RAB3C: variants seen among roughly 807,000 people sequenced by gnomAD.
RAB3C encodes the protein ras-related protein Rab-3C.
Under a neutral mutation model 26.4 loss-of-function variants are expected in RAB3C, and 17 were observed. The observed-to-expected ratio is 0.64, with a 90% CI of 0.44 to 0.97. The LOEUF is 0.97. Among genes scored for constraint, RAB3C ranks in the 50% least tolerant of loss-of-function variants. The pLI, the probability that RAB3C is intolerant of heterozygous loss-of-function variation, is 0.00. For synonymous variants in RAB3C, 91 were observed against 95.9 expected (o/e 0.95, Z 0.30); for missense variants, 242 against 281.9 (o/e 0.86, Z 1.01).
At chr5:58,629,954 A>ATAAGGAGG (rs1469930096) in intron 2 of RAB3C, among the ~76,000 whole-genome samples, 24 of 152,178 alleles carry the variant, frequency 1.6e-4, no homozygotes, top group Admixed American at 1.3e-4. Context: ...TTTATTGTAG[A>ATAAGGAGG]TAAGGAGGTT....
intron 3 of RAB3C, among the ~76,000 whole-genome samples, chr5:58,729,277 A>G (rs1579883513): frequency 6.6e-6 from 1 of 152,054 alleles, no homozygotes; most frequent in South Asian, 2.1e-4. Context: ...TATATAACAT[A>G]AGATTTACTG....
At chr5:58,744,147 A>G (rs893957770) in intron 3 of RAB3C, among the ~76,000 whole-genome samples, 2 of 152,216 alleles carry the variant, frequency 1.3e-5, no homozygotes, top group African/African-American at 4.8e-5. Flanking sequence ...TACAAGGACA[A>G]GATCTGCAGT....
At chr5:58,759,924 G>A (rs1741757916) in intron 3 of RAB3C, among the ~76,000 whole-genome samples, 1 of 152,194 alleles carries the variant, frequency 6.6e-6, no homozygotes, top group African/African-American at 2.4e-5. Flanking sequence ...CACAGAGTAA[G>A]TGTTGTTCTT....
At chr5:58,770,373 T>C (rs1026064875) in intron 3 of RAB3C, among the ~76,000 whole-genome samples, 2 of 152,072 alleles carry the variant, frequency 1.3e-5, no homozygotes, top group Non-Finnish European at 2.9e-5. Context: ...GGAAATATGG[T>C]TTTTCAGGCT....
At chr5:58,787,678 G>T (rs1254859244) in intron 3 of RAB3C, among the ~76,000 whole-genome samples, 2 of 152,134 alleles carry the variant, frequency 1.3e-5, no homozygotes, top group Non-Finnish European at 2.9e-5. Context: ...TAGATACCAT[G>T]AATAATAAGC....
chr5:58,851,117 T>G (rs909983574), intron 4 of RAB3C, 47 bp from the exon 5 acceptor site: 20 of 1,534,538 alleles, frequency 1.3e-5, no homozygotes, highest in Non-Finnish European at 1.7e-5. Context: ...CCATTTAATT[T>G]CAGAAATGCA....
chr5:58,654,436 A>C (rs1747722347), intron 2 of RAB3C, among the ~76,000 whole-genome samples: 1 of 152,228 alleles, frequency 6.6e-6, no homozygotes, highest in African/African-American at 2.4e-5. Context: ...ATTATATGAC[A>C]GAGTATATAT....
chr5:58,647,327 G>A (rs1445443450), intron 2 of RAB3C, among the ~76,000 whole-genome samples: 2 of 152,148 alleles, frequency 1.3e-5, no homozygotes, highest in African/African-American at 2.4e-5. Context: ...GTGAAGGGGA[G>A]GCAAGTTTAG....
intron 3 of RAB3C, among the ~76,000 whole-genome samples, chr5:58,775,862 T>C (rs1363613835): frequency 6.6e-6 from 1 of 152,094 alleles, no homozygotes; most frequent in South Asian, 2.1e-4. Context: ...TGATGGTAAG[T>C]GTTACTCATC....
At chr5:58,842,929 T>G (rs1171944684) in intron 4 of RAB3C, among the ~76,000 whole-genome samples, 1 of 152,190 alleles carries the variant, frequency 6.6e-6, no homozygotes, top group Non-Finnish European at 1.5e-5. Context: ...AACTTGTAAA[T>G]GAAGCCAACA....
chr5:58,651,486 A>G (rs1171109615), intron 2 of RAB3C, among the ~76,000 whole-genome samples: 1 of 152,196 alleles, frequency 6.6e-6, no homozygotes, highest in Admixed American at 6.5e-5. Context: ...TATTTATACT[A>G]TTAAAATCTA....
chr5:58,663,774 A>G (rs1047816015), intron 2 of RAB3C, among the ~76,000 whole-genome samples: 1 of 152,164 alleles, frequency 6.6e-6, no homozygotes, highest in Non-Finnish European at 1.5e-5. Context: ...AAATGAAAAC[A>G]AACAAAAAAC....
intron 2 of RAB3C, among the ~76,000 whole-genome samples, chr5:58,673,458 A>G (rs1398690015): frequency 9.6e-6 from 1 of 103,862 alleles, no homozygotes; most frequent in African/African-American, 3.9e-5. Flanking sequence ...ACACACACAC[A>G]CACACACACA....
At chr5:58,776,243 A>T (rs574454919) in intron 3 of RAB3C, among the ~76,000 whole-genome samples, 1 of 152,102 alleles carries the variant, frequency 6.6e-6, no homozygotes, top group African/African-American at 2.4e-5. Flanking sequence ...AATTTTCTAG[A>T]TCATAAATTG....
chr5:58,823,076 T>A (rs1579938281), intron 3 of RAB3C: 1 of 530,548 alleles, frequency 1.9e-6, no homozygotes, highest in East Asian at 4.4e-5. Context: ...AAGCAAGGAA[T>A]TTAATGCAGA....
At chr5:58,748,064 G>T (rs1170394597) in intron 3 of RAB3C, among the ~76,000 whole-genome samples, 2 of 152,100 alleles carry the variant, frequency 1.3e-5, no homozygotes, top group Non-Finnish European at 2.9e-5. Context: ...TGTCTGGGAG[G>T]TGGAGAACCT....
intron 3 of RAB3C, among the ~76,000 whole-genome samples, chr5:58,755,517 C>T (rs1741635895): frequency 6.6e-6 from 1 of 152,098 alleles, no homozygotes; most frequent in African/African-American, 2.4e-5. Context: ...CAAGAGAGTA[C>T]TAGGGGCTAG....
chr5:58,614,897 A>G (rs1746792371), intron 1 of RAB3C, among the ~76,000 whole-genome samples: 1 of 152,178 alleles, frequency 6.6e-6, no homozygotes. Flanking sequence ...TAAATAATAC[A>G]GAATAATAAC....
chr5:58,642,158 G>A (rs910458148), intron 2 of RAB3C, among the ~76,000 whole-genome samples: 1 of 152,228 alleles, frequency 6.6e-6, no homozygotes, highest in African/African-American at 2.4e-5. Context: ...TCAGCCTAAT[G>A]TTGATTCTAA....
Sources: allele counts gnomAD v4.1 joint callset (sites outside exome capture counted in the v4.1 genomes callset), GRCh38; gene constraint gnomAD v4.1.1; transcripts MANE v1.5; gene names NCBI Gene and HGNC (gene_info 2026-07-23, HGNC 2026-07-21).